PDLIM5: variants seen among roughly 807,000 people sequenced by gnomAD.
The protein encoded by PDLIM5 is PDZ and LIM domain 5, also known as PDZ and LIM domain protein 5.
In PDLIM5, 34 loss-of-function variants were observed where a neutral mutation model predicts 64.2. The ratio of observed to expected loss-of-function variants is 0.53; its 90% CI spans 0.40 to 0.71. The LOEUF (loss-of-function observed/expected upper bound fraction) is 0.71, where lower values mean the gene tolerates loss of function less well. Ranked by LOEUF, PDLIM5 falls within the 30% of genes least tolerant of loss-of-function variation. The pLI is 0.00. For synonymous variants in PDLIM5, 253 were observed against 269.1 expected, an observed-to-expected ratio of 0.94 and a Z score of 0.59; for missense variants, 683 against 733.6, an observed-to-expected ratio of 0.93 and a Z score of 0.80.
At chr4:94,506,113 G>A (rs567511818) in intron 2 of PDLIM5, among the ~76,000 whole-genome samples, 1 of 152,186 alleles carries the variant, frequency 6.6e-6, no homozygotes, top group Non-Finnish European at 1.5e-5. Flanking sequence ...GGAGCTGTAA[G>A]CTAGGAAAGT....
chr4:94,528,953 G>A (rs1340745315), intron 3 of PDLIM5, among the ~76,000 whole-genome samples: 1 of 152,206 alleles, frequency 6.6e-6, no homozygotes, highest in East Asian at 1.9e-4. Flanking sequence ...AAGAGCCAGT[G>A]TGGTGGCCCT....
intron 2 of PDLIM5, among the ~76,000 whole-genome samples, chr4:94,522,333 GATAAA>G (rs1352877281): frequency 6.6e-6 from 1 of 151,988 alleles, no homozygotes; most frequent in Non-Finnish European, 1.5e-5. Flanking sequence ...TTTAAACTGT[GATAAA>G]ATAAACATAA....
chr4:94,499,671 A>G (rs1388290634), intron 2 of PDLIM5, among the ~76,000 whole-genome samples: 1 of 152,164 alleles, frequency 6.6e-6, no homozygotes, highest in African/African-American at 2.4e-5. Flanking sequence ...CGGGTTATGG[A>G]TGGGTACAGA....
chr4:94,620,893 C>A (rs374027302), intron 8 of PDLIM5, among the ~76,000 whole-genome samples: 1 of 151,456 alleles, frequency 6.6e-6, no homozygotes, highest in South Asian at 2.1e-4. Context: ...ATGGGTAAAA[C>A]CCTGTCTCTA....
At chr4:94,608,243 T>C (rs1738085210) in intron 7 of PDLIM5, 2 of 1,134,114 alleles carry the variant, frequency 1.8e-6, no homozygotes, top group Admixed American at 2.5e-5. Context: ...TATACTAAAC[T>C]GTTTGAAAAA....
At chr4:94,586,128 C>T (rs1736176226) in intron 6 of PDLIM5, among the ~76,000 whole-genome samples, 1 of 152,040 alleles carries the variant, frequency 6.6e-6, no homozygotes, top group African/African-American at 2.4e-5. Flanking sequence ...TGAGATCACG[C>T]CACTGTACTC....
chr4:94,525,972 A>G (rs1373397758), intron 3 of PDLIM5, among the ~76,000 whole-genome samples: 3 of 152,236 alleles, frequency 2.0e-5, no homozygotes, highest in East Asian at 1.9e-4. Flanking sequence ...AGTCATTTTT[A>G]ATTTACCAAG....
intron 7 of PDLIM5, chr4:94,610,997 A>C: frequency 8.8e-7 from 1 of 1,139,614 alleles, no homozygotes; most frequent in Non-Finnish European, 1.3e-6. Context: ...TTCAAATCAC[A>C]GACCTTAAGA....
intron 9 of PDLIM5, among the ~76,000 whole-genome samples, chr4:94,648,895 A>G (rs1741624491): frequency 6.6e-6 from 1 of 152,092 alleles, no homozygotes; most frequent in African/African-American, 2.4e-5. Context: ...TTACCTGATT[A>G]GGTCAGGCCC....
chr4:94,651,527 G>A (rs548734393), intron 9 of PDLIM5, among the ~76,000 whole-genome samples: 1 of 152,204 alleles, frequency 6.6e-6, no homozygotes, highest in East Asian at 1.9e-4. Context: ...ATTACAAAAG[G>A]GGAAAAAGAA....
intron 2 of PDLIM5, among the ~76,000 whole-genome samples, chr4:94,485,176 T>C (rs1003525254): frequency 6.6e-6 from 1 of 152,222 alleles, no homozygotes; most frequent in East Asian, 1.9e-4. Flanking sequence ...CTGTTACTTC[T>C]TGATAGACAC....
intron 8 of PDLIM5, among the ~76,000 whole-genome samples, chr4:94,633,687 C>T (rs1018178865): frequency 1.3e-5 from 2 of 152,006 alleles, no homozygotes; most frequent in Non-Finnish European, 2.9e-5. Context: ...AGGGATAGAG[C>T]AATGTACAAA....
intron 3 of PDLIM5, among the ~76,000 whole-genome samples, chr4:94,546,641 TA>T (rs1450488510): frequency 6.6e-6 from 1 of 152,170 alleles, no homozygotes; most frequent in Non-Finnish European, 1.5e-5. Flanking sequence ...AAGATATTTT[TA>T]TTCATAGGAG....
At chr4:94,531,580 G>C (rs1730871986) in intron 3 of PDLIM5, among the ~76,000 whole-genome samples, 1 of 152,126 alleles carries the variant, frequency 6.6e-6, no homozygotes, top group African/African-American at 2.4e-5. Flanking sequence ...TTTGTGTTGG[G>C]CTGCATTCAA....
chr4:94,582,032 A>C (rs1337659186), intron 5 of PDLIM5, among the ~76,000 whole-genome samples: 2 of 152,204 alleles, frequency 1.3e-5, no homozygotes, highest in Admixed American at 6.5e-5. Flanking sequence ...GACAGGAGAG[A>C]GTAAGAAAAT....
intron 5 of PDLIM5, among the ~76,000 whole-genome samples, chr4:94,576,481 G>A (rs1044829788): frequency 1.3e-5 from 2 of 152,148 alleles, no homozygotes; most frequent in East Asian, 3.9e-4. Context: ...TTTCTAGGAG[G>A]TAATCTTAGG....
intron 9 of PDLIM5, among the ~76,000 whole-genome samples, chr4:94,644,050 C>G (rs1047202200): frequency 6.6e-6 from 1 of 152,196 alleles, no homozygotes; most frequent in Non-Finnish European, 1.5e-5. Context: ...CAAGATTTCA[C>G]TATTTACTGT....
intron 2 of PDLIM5, among the ~76,000 whole-genome samples, chr4:94,472,385 G>A (rs1445234630): frequency 6.6e-6 from 1 of 152,138 alleles, no homozygotes; most frequent in African/African-American, 2.4e-5. Context: ...GCCATTCAGT[G>A]TAGTTTTGTT....
intron 7 of PDLIM5, among the ~76,000 whole-genome samples, chr4:94,588,477 C>T (rs1001204247): frequency 2.0e-5 from 3 of 152,134 alleles, no homozygotes; most frequent in South Asian, 2.1e-4. Flanking sequence ...GCAGGAGAAT[C>T]GCTTGAACCC....
Sources: gnomAD v4.1 joint callset for allele counts (sites outside exome capture counted in the v4.1 genomes callset) on GRCh38, gnomAD v4.1.1 for gene constraint, MANE v1.5 for transcripts, NCBI Gene and HGNC (gene_info 2026-07-23, HGNC 2026-07-21) for gene names.